UIMC1: variants seen among roughly 807,000 people sequenced by gnomAD.
UIMC1 encodes the protein BRCA1-A complex subunit RAP80.
Under a neutral mutation model 84.9 loss-of-function variants are expected in UIMC1, and 42 were observed. The ratio of observed to expected loss-of-function variants is 0.49; its 90% CI spans 0.39 to 0.64. UIMC1 has a LOEUF of 0.64. UIMC1 is among the 30% of genes least tolerant of loss of function. The probability of loss-of-function intolerance (pLI) is 0.00; values close to 1 mark genes in which losing one functional copy is unlikely to be tolerated. For missense variants in UIMC1, 825 were observed against 847.6 expected, an observed-to-expected ratio of 0.97 and a Z score of 0.33; for synonymous variants, 281 against 293.0, an observed-to-expected ratio of 0.96 and a Z score of 0.42.
At position 176,905,334 on chromosome 5, in the gene UIMC1, G is replaced by A. The variant is rs773984983; in HGVS notation, c.2108C>T (p.Pro703Leu). Reference sequence around the variant, plus strand: ...AGCTTTGGTCCGTGTCCGACTACCTGGCTGGACAGTAACTTGCTTTTTAAA... The same window carrying A: ...AGCTTTGGTCCGTGTCCGACTACCTAGCTGGACAGTAACTTGCTTTTTAAA... ...VDFKKQVTVQ[P>L]GSRTRTKAGR... is the part of the protein sequence containing the mutation. Residue 703 changes from proline (P) to leucine (L), a missense_variant, in exon 15 of 15, where the codon CCA becomes CTA. Coordinates refer to ENST00000511320, the MANE Select transcript of UIMC1 (RefSeq NM_001199298.2). 1.9e-6 allele frequency: 3 copies of A among 1,614,056 alleles called. No homozygotes were observed. Among genetic ancestry groups the A allele is most frequent in the East Asian group, 2.2e-5 (1 of 44,882 alleles).
In UIMC1 at chr5:177,020,624, A is replaced by G. The variant is rs375633537; in HGVS notation, c.-9+1840T>C. On this transcript the variant is annotated intron_variant, in intron 1 of 5. Coordinates refer to the UIMC1 transcript ENST00000509236. ...TTTTTTGTATTTTTAGTAGAAACGGAGTTTCACCATGTTAGCCAGGATGGT... is the reference window on the plus strand; with the variant it reads ...TTTTTTGTATTTTTAGTAGAAACGGGGTTTCACCATGTTAGCCAGGATGGT... Among the ~76,000 whole-genome samples the G allele has an allele frequency of 5.9e-5, 9 of 152,060 alleles. No individual in the cohort carries two copies. The East Asian group carries it at 9.7e-4, about 16-fold the overall frequency.
In UIMC1 at chr5:176,923,873, A is replaced by AT. The variant is rs1354106609; in HGVS notation, c.1598-12485_1598-12484insA. 1.2e-3 allele frequency among the ~76,000 whole-genome samples: 134 copies of AT among 114,462 alleles called. 2 individuals are homozygous for AT. Among genetic ancestry groups the AT allele is most frequent in the Admixed American group, 3.8e-3 (37 of 9,776 alleles). The allele number at this position is 114,462 out of a possible 152,430, so 75.1% of individuals were successfully genotyped here. A position where few individuals can be genotyped will look rare whatever the true frequency, so the allele number is the denominator to read the frequency against. On this transcript the variant is annotated intron_variant, in intron 10 of 14. Coordinates refer to ENST00000511320, the MANE Select transcript of UIMC1 (RefSeq NM_001199298.2). ...AGCAAGACTCTGTCTCAAAAAAAAA[A>AT]AATATATATATATATACACACACAC...
intron 1 of UIMC1, among the ~76,000 whole-genome samples, chr5:176,996,644 G>C (rs1276223209): frequency 1.3e-5 from 2 of 152,088 alleles, no homozygotes; most frequent in Non-Finnish European, 2.9e-5. Context: ...TTCACACCTA[G>C]GATCAACTCC....
At chr5:176,987,001 C>T (rs1182395999) in intron 1 of UIMC1, among the ~76,000 whole-genome samples, 1 of 152,166 alleles carries the variant, frequency 6.6e-6, no homozygotes, top group Non-Finnish European at 1.5e-5. Flanking sequence ...GGGCAGATTA[C>T]TTGAGGTCAG....
At chr5:176,978,233 C>T (rs1179365338) in intron 2 of UIMC1, among the ~76,000 whole-genome samples, 2 of 151,592 alleles carry the variant, frequency 1.3e-5, no homozygotes, top group Non-Finnish European at 2.9e-5. Context: ...ACTAGCCAGG[C>T]GTGGTGGCAG....
rs79461046 is a variant in UIMC1, at chr5:176,969,083, C to T, written c.672G>A (p.Ser224=). 6.8e-6 allele frequency: 11 copies of T among 1,614,176 alleles called. No individual in the cohort carries two copies. Among genetic ancestry groups the T allele is most frequent in the African/African-American group, 4.0e-5 (3 of 75,046 alleles). The part of the protein sequence containing the change: ...VKSFDRCTGH[S]AEHTQCGKPQ... ...GCTTCCCACACTGTGTGTGCTCAGC[C>T]GAGTGGCCAGTACATCTGTCAAAAG... Residue 224 remains serine (S), a synonymous_variant, in exon 6 of 15, where the codon TCG becomes TCA. Transcript: ENST00000511320.
chr5:176,930,572 C>G (rs928922528), intron 10 of UIMC1, among the ~76,000 whole-genome samples: 1 of 152,234 alleles, frequency 6.6e-6, no homozygotes, highest in African/African-American at 2.4e-5. Context: ...ATAGCAGGTG[C>G]TCATAAATGG....
chr5:177,005,880 G>C (rs754000609), intron 1 of UIMC1, among the ~76,000 whole-genome samples: 2 of 152,092 alleles, frequency 1.3e-5, no homozygotes, highest in Non-Finnish European at 2.9e-5. Context: ...TTAACTGAGC[G>C]GCAGGGCACC....
chr5:176,939,887 C>T (rs963416697), intron 10 of UIMC1, among the ~76,000 whole-genome samples: 1 of 151,990 alleles, frequency 6.6e-6, no homozygotes, highest in African/African-American at 2.4e-5. Context: ...CATATGATGC[C>T]GAGAATACAG....
At chr5:176,985,147 GT>G (rs552690530) in intron 1 of UIMC1, among the ~76,000 whole-genome samples, 1,841 of 151,208 alleles carry the variant, frequency 0.012, 12 homozygotes, top group South Asian at 0.025. Flanking sequence ...GGAAAAAATG[GT>G]TTTTTTTTCT....
At chr5:176,983,917 C>T (rs1253023984) in intron 1 of UIMC1, among the ~76,000 whole-genome samples, 5 of 142,084 alleles carry the variant, frequency 3.5e-5, no homozygotes, top group Admixed American at 7.1e-5. Flanking sequence ...GCACCTCTGC[C>T]CGGCCACCCC....
At chr5:176,923,900 GAC>G (rs35583665) in intron 10 of UIMC1, among the ~76,000 whole-genome samples, 8,734 of 145,400 alleles carry the variant, frequency 0.06, 614 homozygotes, top group African/African-American at 0.17. Context: ...CACACACACA[GAC>G]ACACACACAC....
chr5:176,986,099 C>T lies in UIMC1; in HGVS notation c.-8-3476G>A, dbSNP rs552807989. On this transcript the variant is annotated intron_variant, in intron 1 of 14. Coordinates refer to ENST00000511320, the MANE Select transcript of UIMC1 (RefSeq NM_001199298.2). ...TTTTTTTTGTAGAGACAAGACATGGCATCCTGTGTCTACAGGATAGAAGGC... is the reference window on the plus strand; with the variant it reads ...TTTTTTTTGTAGAGACAAGACATGGTATCCTGTGTCTACAGGATAGAAGGC... 1.0e-3 allele frequency among the ~76,000 whole-genome samples: 155 copies of T among 151,522 alleles called. 1 individual carries two copies. Among genetic ancestry groups the T allele is most frequent in the African/African-American group, 3.1e-3 (129 of 41,310 alleles).
intron 10 of UIMC1, among the ~76,000 whole-genome samples, chr5:176,933,527 A>ATTT (rs11333768): frequency 2.7e-5 from 4 of 147,794 alleles, no homozygotes; most frequent in African/African-American, 5.0e-5. Flanking sequence ...GCTAGTTTAG[A>ATTT]TTTTTTTTTT....
rs755797086 is a variant in UIMC1, at chr5:176,905,503, G to A, written c.1950-11C>T. The stretch of plus-strand genomic sequence containing the variant: ...CCTGGTGAAGGCACCCTAGAGAGAA[G>A]GAAAAAAATTCAGATTCAATATACA... On this transcript the variant is annotated splice_polypyrimidine_tract_variant and intron_variant, in intron 14 of 14. Coordinates refer to ENST00000511320, the MANE Select transcript of UIMC1 (RefSeq NM_001199298.2). 6.2e-7 allele frequency: 1 copy of A among 1,608,942 alleles called. No individual in the cohort carries two copies. The highest frequency in any genetic ancestry group is 1.1e-5 in the South Asian group (1 of 90,436).
chr5:176,946,077 ACCC>A, intron 9 of UIMC1, among the ~76,000 whole-genome samples: 1 of 152,020 alleles, frequency 6.6e-6, no homozygotes, highest in Admixed American at 6.6e-5. Flanking sequence ...TCACTAACCT[ACCC>A]CTGCCCTCAC....
chr5:176,946,167 A>C (rs886200977), intron 9 of UIMC1, among the ~76,000 whole-genome samples: 1 of 152,096 alleles, frequency 6.6e-6, no homozygotes, highest in Non-Finnish European at 1.5e-5. Flanking sequence ...CCCGCCCCGG[A>C]CCCAGCTTTC....
Position 177,000,498 on chromosome 5 carries a change from C to CTTTTTTTTTTTTTTTTT in UIMC1, c.-9+6135_-9+6151dup, listed in dbSNP as rs966855813. On this transcript the variant is annotated intron_variant, in intron 1 of 14. Coordinates refer to ENST00000511320, the MANE Select transcript of UIMC1 (RefSeq NM_001199298.2). ...ATATGCCTGTTTTCCACTTGCATGT[C>CTTTTTTTTTTTTTTTTT]TTTTTTTTTTTTTTTTTTTGAGATG... is the stretch of plus-strand genomic sequence containing the variant. 8.1e-4 allele frequency among the ~76,000 whole-genome samples: 92 copies of CTTTTTTTTTTTTTTTTT among 113,340 alleles called. 3 individuals carry two copies. The highest frequency in any genetic ancestry group is 5.5e-3 in the Middle Eastern group (1 of 182). 74.4% of individuals were successfully genotyped at this position (113,340 alleles called of 152,430 possible).
chr5:176,911,142 AAAGAAAAG>A (rs1760126469), intron 11 of UIMC1, among the ~76,000 whole-genome samples, 161 bp downstream of exon 11: 1 of 71,302 alleles, frequency 1.4e-5, no homozygotes, highest in Non-Finnish European at 3.1e-5. Flanking sequence ...AAAGAAAAGA[AAAGAAAAG>A]AAAAGAAAAG....
Sources: allele counts gnomAD v4.1 joint callset (sites outside exome capture counted in the v4.1 genomes callset), GRCh38; gene constraint gnomAD v4.1.1; transcripts MANE v1.5; gene names NCBI Gene and HGNC (gene_info 2026-07-23, HGNC 2026-07-21).